Variants in PDE1A observed in about 807,000 individuals in gnomAD.
The protein encoded by PDE1A is phosphodiesterase 1A, also known as dual specificity calcium/calmodulin-dependent 3',5'-cyclic nucleotide phosphodiesterase 1A.
In PDE1A, 35 loss-of-function variants were observed where a neutral mutation model predicts 61.7. The observed-to-expected ratio is 0.57, with a 90% CI of 0.43 to 0.75. PDE1A has a LOEUF of 0.75. Ranked by LOEUF, PDE1A falls within the 30% of genes least tolerant of loss-of-function variation. PDE1A has a pLI of 0.00. For synonymous variants in PDE1A, 232 were observed against 213.2 expected, an observed-to-expected ratio of 1.09 and a Z score of -0.77; for missense variants, 597 against 630.6, an observed-to-expected ratio of 0.95 and a Z score of 0.57.
the PDE1A span, among the ~76,000 whole-genome samples, chr2:182,594,916 A>G: frequency 1.3e-5 from 2 of 152,208 alleles, no homozygotes; most frequent in Admixed American, 1.3e-4. Context: ...GCAGGGATTC[A>G]ATGGAATGGC....
At chr2:182,434,542 CTT>C (rs34234948) in intron 2 of PDE1A, among the ~76,000 whole-genome samples, 5 of 151,008 alleles carry the variant, frequency 3.3e-5, no homozygotes, top group Non-Finnish European at 7.4e-5. Flanking sequence ...AAATGAAGCC[CTT>C]TTTTTTTCCT....
the PDE1A span, among the ~76,000 whole-genome samples, chr2:182,581,259 G>A: frequency 5.3e-5 from 8 of 152,164 alleles, no homozygotes; most frequent in African/African-American, 1.9e-4. Context: ...GAAAAACTAA[G>A]GATGTTGGAG....
At chr2:182,185,682 C>T in intron 13 of PDE1A, 1 of 792,030 alleles carries the variant, frequency 1.3e-6, no homozygotes. Context: ...CACAGATCTG[C>T]AGCCCATGTG....
intron 13 of PDE1A, chr2:182,168,293 GAA>G (rs78156757): frequency 6.5e-4 from 846 of 1,308,412 alleles, no homozygotes; most frequent in Admixed American, 2.4e-3. Context: ...TCTTGCTTCT[GAA>G]AAAAAAAAAA....
At chr2:182,531,530 T>C in the PDE1A span, among the ~76,000 whole-genome samples, 26 of 152,106 alleles carry the variant, frequency 1.7e-4, no homozygotes, top group Non-Finnish European at 2.6e-4. Context: ...TAAGAAGATA[T>C]AAAAATCCCA....
In PDE1A at chr2:182,491,568, ATACT is replaced by A. The variant is rs1559509826; in HGVS notation, c.101+30704_101+30707del. Among the ~76,000 whole-genome samples the A allele has an allele frequency of 5.9e-5, 9 of 152,246 alleles. No homozygotes were observed. In the South Asian group the frequency reaches 1.9e-3, roughly 31 times the overall value. On this transcript the variant is annotated intron_variant, in intron 2 of 14. Transcript: ENST00000410103. ...ACTTGAAATTTAGATTTGACCCAGC[ATACT>A]TACTTCTGGACATTTGTCCTAAGAA...
chr2:182,597,576 G>A, the PDE1A span, among the ~76,000 whole-genome samples: 1 of 152,092 alleles, frequency 6.6e-6, no homozygotes, highest in African/African-American at 2.4e-5. Flanking sequence ...GAATACAGGG[G>A]TAGAGAGACC....
At chr2:182,363,036 A>G (rs1055991867) in intron 1 of PDE1A, among the ~76,000 whole-genome samples, 1 of 151,888 alleles carries the variant, frequency 6.6e-6, no homozygotes, top group Non-Finnish European at 1.5e-5. Flanking sequence ...ACATAGAGGG[A>G]AATAACACAC....
At chr2:182,283,607 AG>A (rs1268878511) in intron 1 of PDE1A, among the ~76,000 whole-genome samples, 3 of 152,110 alleles carry the variant, frequency 2.0e-5, no homozygotes, top group African/African-American at 7.2e-5. Context: ...GAAAAAAATG[AG>A]TTAAATCTTG....
intron 1 of PDE1A, among the ~76,000 whole-genome samples, chr2:182,403,286 C>G (rs546709571): frequency 2.0e-5 from 3 of 152,192 alleles, no homozygotes; most frequent in Admixed American, 6.5e-5. Context: ...TTCCCATCAA[C>G]GATAGACTGG....
At chr2:182,625,018 G>A in the PDE1A span, among the ~76,000 whole-genome samples, 8 of 152,222 alleles carry the variant, frequency 5.3e-5, 1 homozygote, top group South Asian at 1.7e-3. Context: ...CCTTTGGGAG[G>A]TGATTAGATA....
intron 1 of PDE1A, among the ~76,000 whole-genome samples, chr2:182,404,039 G>C (rs1329546014): frequency 2.6e-5 from 2 of 77,250 alleles, no homozygotes; most frequent in African/African-American, 1.1e-4. Context: ...TATGTCAATA[G>C]GAACAAATTT....
chr2:182,206,899 C>G (rs187826273), intron 7 of PDE1A, among the ~76,000 whole-genome samples: 16 of 152,246 alleles, frequency 1.1e-4, no homozygotes, highest in African/African-American at 3.4e-4. Flanking sequence ...CTTCACCCTA[C>G]CATCATGATT....
chr2:182,234,490 C>T (rs747334904), exon 4 of PDE1A: 22 of 1,595,744 alleles, frequency 1.4e-5, no homozygotes, highest in East Asian at 6.8e-5. Flanking sequence ...ATATGTTTTT[C>T]GGTACATTCT....
At chr2:182,376,027 C>G (rs12475637) in intron 1 of PDE1A, among the ~76,000 whole-genome samples, 41,834 of 152,028 alleles carry the variant, frequency 0.28, 6,211 homozygotes, top group East Asian at 0.43. Flanking sequence ...TGGGCCCTGC[C>G]CATGAAACCA....
At chr2:182,626,752 T>C in the PDE1A span, among the ~76,000 whole-genome samples, 780 of 21,538 alleles carry the variant, frequency 0.036, 163 homozygotes, top group East Asian at 0.057. Context: ...TATATACATA[T>C]ATATATATAC....
chr2:182,472,761 TCA>T (rs74268914), intron 2 of PDE1A, among the ~76,000 whole-genome samples: 22,676 of 151,706 alleles, frequency 0.15, 2,100 homozygotes, highest in Middle Eastern at 0.29. Flanking sequence ...GCTATTAAAT[TCA>T]CAGACCTTCT....
the PDE1A span, among the ~76,000 whole-genome samples, chr2:182,709,522 C>T: frequency 2.0e-5 from 3 of 152,174 alleles, no homozygotes; most frequent in South Asian, 2.1e-4. Flanking sequence ...ACCAATGAAA[C>T]GTAATTATAA....
At chr2:182,511,346 G>A (rs78265347) in intron 2 of PDE1A, among the ~76,000 whole-genome samples, 3 of 152,002 alleles carry the variant, frequency 2.0e-5, no homozygotes, top group East Asian at 1.9e-4. Context: ...AGGAGGCTGC[G>A]AATGCTGTAT....
Sources: gnomAD v4.1 joint callset for allele counts (sites outside exome capture counted in the v4.1 genomes callset) on GRCh38, gnomAD v4.1.1 for gene constraint, MANE v1.5 for transcripts, NCBI Gene and HGNC (gene_info 2026-07-23, HGNC 2026-07-21) for gene names.